Variants in ABLIM1 observed in about 807,000 individuals in gnomAD.
The protein encoded by ABLIM1 is actin-binding LIM protein 1.
In ABLIM1, 40 loss-of-function variants were observed where a neutral mutation model predicts 107.0. That is an observed-to-expected ratio of 0.37 (90% confidence interval 0.29 to 0.49). The LOEUF (loss-of-function observed/expected upper bound fraction) is 0.49, where lower values mean the gene tolerates loss of function less well. Ranked by LOEUF, ABLIM1 falls within the 20% of genes least tolerant of loss-of-function variation. The pLI, the probability that ABLIM1 is intolerant of heterozygous loss-of-function variation, is 0.97. For missense variants in ABLIM1, 857 were observed against 1,008.5 expected (o/e 0.85, Z 2.04); for synonymous variants, 357 against 357.3 (o/e 1.00, Z 0.01).
chr10:114,649,339 CT>C (rs2079140845), intron 1 of ABLIM1, among the ~76,000 whole-genome samples: 1 of 151,460 alleles, frequency 6.6e-6, no homozygotes, highest in Non-Finnish European at 1.5e-5. Context: ...GAGGCAGAGG[CT>C]GCAGTGAGCC....
At position 114,658,195 on chromosome 10, in the gene ABLIM1, A is replaced by C; in HGVS notation, c.6T>G (p.Pro2=). 1.2e-6 allele frequency: 2 copies of C among 1,602,492 alleles called. No homozygotes were observed. Among genetic ancestry groups the C allele is most frequent in the Non-Finnish European group, 1.7e-6 (2 of 1,170,922 alleles). M[P]AFLGLKCLGK... Reference sequence around the variant, plus strand: ...CCAGACACTTTAGACCAAGGAAGGCAGGCATCTTGGCATGGATTTCCAAGC... The same window carrying C: ...CCAGACACTTTAGACCAAGGAAGGCCGGCATCTTGGCATGGATTTCCAAGC... The change falls in exon 1 of 23, where the codon CCT becomes CCG. Residue 2 remains proline, a synonymous_variant. Transcript: ENST00000533213.
intron 1 of ABLIM1, among the ~76,000 whole-genome samples, chr10:114,679,635 CAAAAAA>C (rs757677426): frequency 1.2e-5 from 1 of 86,310 alleles, no homozygotes; most frequent in African/African-American, 3.8e-5. Flanking sequence ...AACTCCGTCT[CAAAAAA>C]AAAAAAAAAA....
chr10:114,491,010 G>GTATATATATA (rs1484101683), intron 7 of ABLIM1, among the ~76,000 whole-genome samples: 5 of 89,196 alleles, frequency 5.6e-5, no homozygotes, highest in African/African-American at 1.0e-4. Flanking sequence ...GTGTGTGTGT[G>GTATATATATA]TGTATATATA....
intron 1 of ABLIM1, chr10:114,613,661 G>C (rs1314931243): frequency 7.5e-7 from 1 of 1,324,574 alleles, no homozygotes; most frequent in Admixed American, 2.2e-5. Flanking sequence ...CCTCACCTGG[G>C]TCTCTCCAGT....
chr10:114,556,868 C>T (rs920574111), intron 4 of ABLIM1, among the ~76,000 whole-genome samples: 1 of 152,136 alleles, frequency 6.6e-6, no homozygotes, highest in African/African-American at 2.4e-5. Flanking sequence ...CATGTCATGG[C>T]AAACACCATG....
intron 1 of ABLIM1, among the ~76,000 whole-genome samples, chr10:114,704,335 T>TATATA (rs3061769): frequency 1.6e-4 from 13 of 83,392 alleles, no homozygotes; most frequent in South Asian, 5.4e-4. Context: ...TATATATATA[T>TATATA]TGCGCGCGTT....
At chr10:114,615,029 A>G (rs1404064125) in intron 1 of ABLIM1, among the ~76,000 whole-genome samples, 19 of 148,962 alleles carry the variant, frequency 1.3e-4, no homozygotes, top group Non-Finnish European at 2.7e-4. Flanking sequence ...CAGTCTGGGC[A>G]ATAAGAGCAA....
At chr10:114,605,270 G>A (rs2076328383) in intron 1 of ABLIM1, among the ~76,000 whole-genome samples, 1 of 152,206 alleles carries the variant, frequency 6.6e-6, no homozygotes, top group Admixed American at 6.5e-5. Context: ...AACTGTCTTT[G>A]ACAGTCTGGT....
intron 6 of ABLIM1, among the ~76,000 whole-genome samples, chr10:114,502,704 C>T (rs2060591069): frequency 6.6e-6 from 1 of 152,096 alleles, no homozygotes; most frequent in Non-Finnish European, 1.5e-5. Context: ...GCCATGTAGG[C>T]CAGACTGGTC....
intron 1 of ABLIM1, among the ~76,000 whole-genome samples, chr10:114,709,917 T>C (rs530114857): frequency 7.2e-4 from 110 of 152,224 alleles, no homozygotes; most frequent in Non-Finnish European, 1.3e-3. Context: ...TAAACAGGGT[T>C]CTCAAACTTA....
intron 14 of ABLIM1, among the ~76,000 whole-genome samples, chr10:114,450,876 A>AT (rs1340970245): frequency 6.6e-6 from 1 of 152,198 alleles, no homozygotes; most frequent in African/African-American, 2.4e-5. Flanking sequence ...TTTCACAAAG[A>AT]TTTATGGTCG....
chr10:114,540,145 A>G (rs1265109975), intron 6 of ABLIM1, among the ~76,000 whole-genome samples: 2 of 152,158 alleles, frequency 1.3e-5, no homozygotes, highest in Admixed American at 6.5e-5. Context: ...TCAAGCTACA[A>G]TTTGAGTGTA....
upstream of ABLIM1, among the ~76,000 whole-genome samples, chr10:114,685,572 G>A (rs554855087): frequency 6.6e-6 from 1 of 152,210 alleles, no homozygotes; most frequent in South Asian, 2.1e-4. Context: ...CCCTTCCCCT[G>A]GTCCAGGCTA....
the ABLIM1 span, among the ~76,000 whole-genome samples, chr10:114,784,251 CAGA>C: frequency 3.3e-5 from 5 of 151,586 alleles, no homozygotes; most frequent in Non-Finnish European, 7.4e-5. Flanking sequence ...GAGGCTGAGG[CAGA>C]AGAATTGCTT....
At chr10:114,512,752 G>C (rs984663767) in intron 6 of ABLIM1, among the ~76,000 whole-genome samples, 12 of 151,912 alleles carry the variant, frequency 7.9e-5, no homozygotes, top group African/African-American at 2.9e-4. Context: ...TTGAACCCAG[G>C]AAGTGGAGGT....
intron 3 of ABLIM1, 53 bp downstream of exon 3, chr10:114,575,363 A>T: frequency 1.3e-6 from 2 of 1,587,106 alleles, no homozygotes; most frequent in Non-Finnish European, 1.7e-6. Context: ...AGCCCAAACC[A>T]GCATTTCTCT....
the ABLIM1 span, among the ~76,000 whole-genome samples, chr10:114,787,435 C>T: frequency 1.3e-5 from 2 of 150,556 alleles, no homozygotes; most frequent in African/African-American, 4.9e-5. Context: ...GGCCAGCCGC[C>T]CCATCCGGGA....
intron 1 of ABLIM1, among the ~76,000 whole-genome samples, chr10:114,644,306 A>AAAATATATATATATATATAT (rs1408072252): frequency 1.9e-5 from 1 of 52,254 alleles, no homozygotes; most frequent in African/African-American, 9.2e-5. Context: ...AAAAAAAAAA[A>AAAATATATATATATATATAT]ATATATATAT....
chr10:114,589,081 T>C (rs183006232), intron 2 of ABLIM1, among the ~76,000 whole-genome samples: 1 of 152,104 alleles, frequency 6.6e-6, no homozygotes, highest in Non-Finnish European at 1.5e-5. Context: ...TGTTTTAGTT[T>C]AACAAAAAAA....
Sources: allele counts gnomAD v4.1 joint callset (sites outside exome capture counted in the v4.1 genomes callset), GRCh38; gene constraint gnomAD v4.1.1; transcripts MANE v1.5; gene names NCBI Gene and HGNC (gene_info 2026-07-23, HGNC 2026-07-21).